Variants in PRDM11 observed in about 807,000 individuals in gnomAD.
The protein encoded by PRDM11 is PR/SET domain 11.
A neutral mutation model predicts 97.8 loss-of-function variants in PRDM11; 20 were observed. The ratio of observed to expected loss-of-function variants is 0.20; its 90% CI spans 0.14 to 0.30. The LOEUF (loss-of-function observed/expected upper bound fraction) is 0.30, where lower values mean the gene tolerates loss of function less well. Ranked by LOEUF, PRDM11 falls within the 10% of genes least tolerant of loss-of-function variation. The pLI, the probability that PRDM11 is intolerant of heterozygous loss-of-function variation, is 1.00. For synonymous variants in PRDM11, 599 were observed against 637.7 expected, an observed-to-expected ratio of 0.94 and a Z score of 0.91; for missense variants, 1,139 against 1,555.2, an observed-to-expected ratio of 0.73 and a Z score of 4.50.
chr11:45,227,693 C>T lies in PRDM11; in HGVS notation c.3068C>T (p.Ser1023Phe), dbSNP rs1253397732. Residue 1023 changes from serine (S) to phenylalanine (F), a missense_variant, in exon 8 of 8, where the codon TCC becomes TTC. This residue lies in a region of PRDM11 where 710 missense variants were observed against 1,044.9 expected (regional missense o/e 0.68). Transcript: ENST00000683152. This position sits in a 1 kb window ranked among gnomAD's most constrained non-coding sequence, Gnocchi z 8.0. ...FDHLEAIPTF[S>F]RDVCREGLDP... is the part of the protein sequence containing the mutation. ...CACCTGGAGGCCATCCCGACCTTTT[C>T]CCGGGATGTCTGTAGGGAAGGGCTG... 1 of 1,533,814 alleles carries T rather than the reference C, an allele frequency of 6.5e-7. No homozygotes were observed. Among genetic ancestry groups the T allele is most frequent in the East Asian group, 2.4e-5 (1 of 40,924 alleles).
At chr11:45,189,090 G>A (rs1407095557) in intron 4 of PRDM11, among the ~76,000 whole-genome samples, 3 of 152,010 alleles carry the variant, frequency 2.0e-5, no homozygotes, top group African/African-American at 7.3e-5. Context: ...TAGTAGAGAC[G>A]GGGTTTCTCC....
upstream of PRDM11, among the ~76,000 whole-genome samples, chr11:45,144,972 G>A (rs1418186106): frequency 2.0e-5 from 3 of 151,992 alleles, no homozygotes; most frequent in Non-Finnish European, 4.4e-5. Flanking sequence ...CATTCTAATC[G>A]TGGAACCCCT....
rs1223759843 is a variant in PRDM11, at chr11:45,146,880, G to A, written c.-7+3G>A. On this transcript the variant is annotated splice_donor_region_variant and intron_variant, in intron 1 of 7. Coordinates refer to ENST00000683152, the MANE Select transcript of PRDM11 (RefSeq NM_001384648.1). ...GCTGCCGCAGCATTCCCGGGAAGGT[G>A]AGTCAGCCCCGGTAGCCAATGTGGC... 1.4e-5 allele frequency: 2 copies of A among 146,340 alleles called. No homozygotes were observed. The highest frequency in any genetic ancestry group is 4.9e-5 in the African/African-American group (2 of 40,838). 9.1% of individuals were successfully genotyped at this position (146,340 alleles called of 1,614,324 possible). A position where few individuals can be genotyped will look rare whatever the true frequency, so the allele number is the denominator to read the frequency against.
Position 45,209,368 on chromosome 11 carries a change from C to T in PRDM11, c.554+4590C>T, listed in dbSNP as rs557715406. 3.8e-4 allele frequency: 131 copies of T among 348,574 alleles called. 3 individuals carry two copies. Among genetic ancestry groups the T allele is most frequent in the South Asian group, 2.1e-3 (98 of 47,438 alleles). 21.6% of individuals were successfully genotyped at this position (348,574 alleles called of 1,614,324 possible). A position where few individuals can be genotyped will look rare whatever the true frequency, so the allele number is the denominator to read the frequency against. On this transcript the variant is annotated intron_variant, in intron 5 of 7. Transcript: ENST00000683152. ...CAGCTTACAGTCCACAGTCTCCCAC[C>T]GACTTTCCCTCTGGTTCTCTCCTGT...
chr11:45,176,150 G>C (rs1035084037), intron 1 of PRDM11, among the ~76,000 whole-genome samples: 1 of 152,170 alleles, frequency 6.6e-6, no homozygotes, highest in Non-Finnish European at 1.5e-5. Flanking sequence ...TCCCAGGGCA[G>C]ATCACCTGAG....
At position 45,228,383 on chromosome 11, in the gene PRDM11, T is replaced by C. The variant is rs1854329880; in HGVS notation, c.*224T>C. On this transcript the variant is annotated 3_prime_UTR_variant, in exon 8 of 8. Coordinates refer to ENST00000683152, the MANE Select transcript of PRDM11 (RefSeq NM_001384648.1). Reference sequence around the variant, plus strand: ...AAAATGTTGGAAACTGACTCTTGTCTACAAAATTTGGCAGCTGCAACATAC... The same window carrying C: ...AAAATGTTGGAAACTGACTCTTGTCCACAAAATTTGGCAGCTGCAACATAC... 6.1e-6 allele frequency: 1 copy of C among 164,416 alleles called. No homozygotes were observed. Among genetic ancestry groups the C allele is most frequent in the African/African-American group, 2.4e-5 (1 of 41,612 alleles). 10.2% of individuals were successfully genotyped at this position (164,416 alleles called of 1,614,324 possible). A position where few individuals can be genotyped will look rare whatever the true frequency, so the allele number is the denominator to read the frequency against.
intron 5 of PRDM11, among the ~76,000 whole-genome samples, chr11:45,218,545 G>C (rs1158238474): frequency 6.6e-6 from 1 of 152,152 alleles, no homozygotes; most frequent in Non-Finnish European, 1.5e-5. Context: ...TTTGTCCCTT[G>C]TTTTTGAGAC....
At chr11:45,211,656 G>A (rs1193883225) in intron 5 of PRDM11, among the ~76,000 whole-genome samples, 1 of 152,198 alleles carries the variant, frequency 6.6e-6, no homozygotes, top group East Asian at 1.9e-4. Context: ...CAGCCTGTCA[G>A]CATGTGCTGC....
chr11:45,180,333 C>T (rs949796207), intron 1 of PRDM11, among the ~76,000 whole-genome samples: 2 of 152,130 alleles, frequency 1.3e-5, no homozygotes, highest in African/African-American at 4.8e-5. Flanking sequence ...GCTGAGCGAG[C>T]GGGTGTCCGG....
At position 45,127,934 on chromosome 11, in the gene PRDM11, C is replaced by A. The variant is rs908631530; in HGVS notation, c.96+32033C>A. Among the ~76,000 whole-genome samples, 11 of 152,222 alleles carry A rather than the reference C, an allele frequency of 7.2e-5. No homozygotes were observed. The South Asian group carries it at 8.3e-4, about 11-fold the overall frequency. The stretch of plus-strand genomic sequence containing the variant: ...GGTTACTGCTGTCTTTTTGTCTTTG[C>A]CCTGCCCCCAGAGGTGGAGCCTACA... On this transcript the variant is annotated intron_variant, in intron 1 of 6. Transcript: ENST00000530656.
rs75348234 is a variant in PRDM11 at position 45,177,528 on chromosome 11, C to T, written c.-6-4233C>T. 3.3e-3 allele frequency among the ~76,000 whole-genome samples: 505 copies of T among 152,308 alleles called. 14 individuals are homozygous for T. In the East Asian group the frequency reaches 0.081, roughly 25 times the overall value. On this transcript the variant is annotated intron_variant, in intron 1 of 7. Transcript: ENST00000683152. ...CTCCCCAGTGGAAGTTCATTTGGTC[C>T]TGCCACATCCCATCTTCTCCCTCCC...
intron 4 of PRDM11, among the ~76,000 whole-genome samples, chr11:45,187,799 CGTGTGTGTGTGTGTGTGT>C (rs61613469): frequency 6.8e-6 from 1 of 147,090 alleles, no homozygotes; most frequent in African/African-American, 2.5e-5. Flanking sequence ...AAGAAAAGTT[CGTGTGTGTGTGTGTGTGT>C]GTGTGTGTGT....
At chr11:45,202,516 G>GA (rs1853366197) in intron 4 of PRDM11, among the ~76,000 whole-genome samples, 1 of 152,066 alleles carries the variant, frequency 6.6e-6, no homozygotes, top group Non-Finnish European at 1.5e-5. Flanking sequence ...AGCTTAGTGG[G>GA]AAAAAATTGA....
At chr11:45,160,304 A>G (rs1590392599) in intron 1 of PRDM11, among the ~76,000 whole-genome samples, 1 of 152,240 alleles carries the variant, frequency 6.6e-6, no homozygotes, top group East Asian at 1.9e-4. Flanking sequence ...TTTCAATTAT[A>G]TAAGGAATAT....
At chr11:45,162,147 A>T (rs964239838) in intron 1 of PRDM11, among the ~76,000 whole-genome samples, 2 of 152,180 alleles carry the variant, frequency 1.3e-5, no homozygotes, top group African/African-American at 4.8e-5. Flanking sequence ...GCCCTTCCCC[A>T]GCACCAGCCC....
chr11:45,198,857 G>C (rs1244759751), intron 4 of PRDM11, among the ~76,000 whole-genome samples: 1 of 152,172 alleles, frequency 6.6e-6, no homozygotes, highest in African/African-American at 2.4e-5. Flanking sequence ...AGCATGGACT[G>C]TACTGTCAGA....
chr11:45,227,777 A>G lies in PRDM11; in HGVS notation c.3152A>G (p.Lys1051Arg). 1 of 1,533,954 alleles carries G rather than the reference A, an allele frequency of 6.5e-7. No homozygotes were observed. Among genetic ancestry groups the G allele is most frequent in the South Asian group, 1.2e-5 (1 of 83,962 alleles). The change falls in exon 8 of 8, where the codon AAA (lysine) becomes AGA (arginine). Residue 1051 changes from lysine (K) to arginine (R), a missense_variant. Physicochemically the swap from Lys to Arg is conservative, Grantham distance 26. Coordinates refer to ENST00000683152, the MANE Select transcript of PRDM11 (RefSeq NM_001384648.1). This position sits in a 1 kb window ranked among gnomAD's most constrained non-coding sequence, Gnocchi z 8.0. ...WRELKADYYT[K>R]NGFKDLISHI... ...GAACTCAAGGCTGATTACTACACCAAAAATGGCTTCAAAGACCTGATCAGC... is the reference window on the plus strand; with the variant it reads ...GAACTCAAGGCTGATTACTACACCAGAAATGGCTTCAAAGACCTGATCAGC...
At chr11:45,218,087 T>C (rs999720251) in intron 5 of PRDM11, among the ~76,000 whole-genome samples, 1 of 152,220 alleles carries the variant, frequency 6.6e-6, no homozygotes, top group African/African-American at 2.4e-5. Context: ...TTGAAAACAT[T>C]TTTCTATAGA....
chr11:45,122,944 T>C (rs1852472852), intron 1 of PRDM11, among the ~76,000 whole-genome samples: 1 of 151,022 alleles, frequency 6.6e-6, no homozygotes, highest in Non-Finnish European at 1.5e-5. Context: ...TTGAACTAGT[T>C]TACTAGTCCC....
Sources: allele counts gnomAD v4.1 joint callset (sites outside exome capture counted in the v4.1 genomes callset), GRCh38; gene constraint gnomAD v4.1.1; regional missense constraint gnomAD v4.1.1; non-coding constraint Gnocchi (gnomAD v3.1); transcripts MANE v1.5; gene names NCBI Gene and HGNC (gene_info 2026-07-23, HGNC 2026-07-21).